Variants in IL17B observed in about 807,000 individuals in gnomAD.
The protein encoded by IL17B is interleukin-17B.
In IL17B, 14 loss-of-function variants were observed where a neutral mutation model predicts 14.7. The ratio of observed to expected loss-of-function variants is 0.95; its 90% CI spans 0.63 to 1.49. The LOEUF is 1.49. IL17B is among the 40% of genes most tolerant of loss of function. IL17B has a pLI of 0.00. For synonymous variants in IL17B, 105 were observed against 94.8 expected (o/e 1.11, Z -0.62); for missense variants, 233 against 252.8 (o/e 0.92, Z 0.53).
At chr5:149,403,275 G>A (rs757711458) in intron 1 of IL17B, among the ~76,000 whole-genome samples, 4 of 151,842 alleles carry the variant, frequency 2.6e-5, no homozygotes, top group Admixed American at 1.3e-4. Flanking sequence ...TTATAGAGAC[G>A]GGGTTTCACC....
upstream of IL17B, among the ~76,000 whole-genome samples, chr5:149,384,291 C>T (rs1456457108): frequency 6.6e-5 from 10 of 152,212 alleles, no homozygotes; most frequent in Admixed American, 6.5e-4. Flanking sequence ...CCCCTCACTT[C>T]AGTGGGCCTC....
In IL17B at chr5:149,379,242, G is replaced by T. The variant is rs750251759; in HGVS notation, c.-17C>A. On this transcript the variant is annotated 5_prime_UTR_variant, in exon 1 of 3. Transcript: ENST00000261796. The stretch of plus-strand genomic sequence containing the variant: ...CCAGTCCATTCCGCCAAGCTGCAAG[G>T]TCAGCCTGCAGCTGCTGCCCGCCTG... 6.2e-7 allele frequency: 1 copy of T among 1,613,842 alleles called. No individual in the cohort carries two copies. Among genetic ancestry groups the T allele is most frequent in the Non-Finnish European group, 8.5e-7 (1 of 1,179,898 alleles).
chr5:149,392,187 C>A (rs1480727946), intron 1 of IL17B, among the ~76,000 whole-genome samples: 1 of 152,212 alleles, frequency 6.6e-6, no homozygotes, highest in South Asian at 2.1e-4. Context: ...AGAGGCAGCC[C>A]CATGTGGAAA....
chr5:149,376,215 C>T (rs915723302), intron 2 of IL17B, among the ~76,000 whole-genome samples: 3 of 152,192 alleles, frequency 2.0e-5, no homozygotes, highest in African/African-American at 7.2e-5. Context: ...ATTCCCAAAT[C>T]GCAGCCTGCT....
intron 1 of IL17B, among the ~76,000 whole-genome samples, chr5:149,401,241 T>C (rs1759200069): frequency 6.6e-6 from 1 of 152,168 alleles, no homozygotes; most frequent in African/African-American, 2.4e-5. Flanking sequence ...CTGTAGTAAA[T>C]CCCTTTCTGC....
chr5:149,403,335 C>T (rs1022070688), intron 1 of IL17B, among the ~76,000 whole-genome samples: 18 of 152,102 alleles, frequency 1.2e-4, no homozygotes, highest in African/African-American at 4.3e-4. Context: ...ATCCTCCTGC[C>T]TCAGCCTCCC....
intron 2 of IL17B, 103 bp downstream of exon 2, chr5:149,376,633 A>C: frequency 6.9e-7 from 1 of 1,457,536 alleles, no homozygotes; most frequent in Middle Eastern, 2.1e-4. Flanking sequence ...TTCGAACCCA[A>C]GCACCCAGAC....
In IL17B at chr5:149,374,456, G is replaced by T; in HGVS notation, c.456C>A (p.Arg152=). Residue 152 remains arginine (R), a synonymous_variant, in exon 3 of 3, where the codon CGC becomes CGA. Coordinates refer to ENST00000261796, the MANE Select transcript of IL17B (RefSeq NM_014443.3). The surrounding 1 kb of genome is among the most constrained non-coding windows in gnomAD (Gnocchi z 5.0). ...CTGTGCGGGGCGGTGGCGGGCAGAG[G>T]CGGCGGCGCACAGGAACCTGGCTGA... ...PVFSQVPVRR[R]LCPPPPRTGP... is the part of the protein sequence containing the mutation. 1.2e-6 allele frequency: 2 copies of T among 1,611,514 alleles called. No homozygotes were observed. The highest frequency in any genetic ancestry group is 1.7e-6 in the Non-Finnish European group (2 of 1,179,746).
At chr5:149,385,185 G>A (rs1388683784) in intron 1 of IL17B, among the ~76,000 whole-genome samples, 1 of 151,586 alleles carries the variant, frequency 6.6e-6, no homozygotes, top group Non-Finnish European at 1.5e-5. Flanking sequence ...GAGAAACTCC[G>A]TCTCTACTAA....
chr5:149,392,412 C>T (rs6864982), intron 1 of IL17B, among the ~76,000 whole-genome samples: 46,858 of 152,064 alleles, frequency 0.31, 7,321 homozygotes, highest in African/African-American at 0.33. Context: ...TGAGGCAGCC[C>T]GCTGTAGAAT....
chr5:149,393,054 T>C (rs922338055), intron 1 of IL17B, among the ~76,000 whole-genome samples: 3 of 151,956 alleles, frequency 2.0e-5, no homozygotes, highest in African/African-American at 7.3e-5. Flanking sequence ...TGTGTGCGCA[T>C]GTGTGTCTGC....
At chr5:149,400,567 G>A (rs554063490) in intron 1 of IL17B, among the ~76,000 whole-genome samples, 128 of 152,352 alleles carry the variant, frequency 8.4e-4, no homozygotes, top group Non-Finnish European at 1.6e-3. Flanking sequence ...AGCTGCAGCA[G>A]TGTATTCTTC....
chr5:149,400,399 G>A (rs1451226136), intron 1 of IL17B, among the ~76,000 whole-genome samples: 2 of 152,098 alleles, frequency 1.3e-5, no homozygotes, highest in African/African-American at 2.4e-5. Flanking sequence ...CACTTATCTC[G>A]GACTTCTAGC....
chr5:149,382,078 C>G (rs1758713084), upstream of IL17B, among the ~76,000 whole-genome samples: 1 of 152,232 alleles, frequency 6.6e-6, no homozygotes, highest in African/African-American at 2.4e-5. Flanking sequence ...CACTAGAAAG[C>G]CAGCCAACCC....
intron 2 of IL17B, chr5:149,375,112 A>G (rs1389080794): frequency 6.5e-6 from 1 of 153,246 alleles, no homozygotes; most frequent in Admixed American, 6.5e-5. Flanking sequence ...GATTATTTTT[A>G]TTGATGCCTA....
intron 1 of IL17B, among the ~76,000 whole-genome samples, chr5:149,402,619 C>T (rs1759228372): frequency 6.6e-6 from 1 of 150,544 alleles, no homozygotes; most frequent in South Asian, 2.1e-4. Flanking sequence ...CCTCTCCTGA[C>T]ACACACATAC....
chr5:149,379,042 G>T (rs1758617573), intron 1 of IL17B, among the ~76,000 whole-genome samples, 163 bp downstream of exon 1: 1 of 152,256 alleles, frequency 6.6e-6, no homozygotes, highest in Non-Finnish European at 1.5e-5. Context: ...CATGGCTACA[G>T]TGACCAGTCT....
At chr5:149,379,299 A>G, upstream of IL17B, 1 of 1,584,262 alleles carries the variant, frequency 6.3e-7, no homozygotes, top group Non-Finnish European at 8.7e-7. Context: ...GAATGGCAGC[A>G]ACAGGATGGA....
At chr5:149,386,032 C>G (rs1190999185) in intron 1 of IL17B, among the ~76,000 whole-genome samples, 1 of 152,192 alleles carries the variant, frequency 6.6e-6, no homozygotes, top group Admixed American at 6.5e-5. Flanking sequence ...GTTCAAAGGC[C>G]TGCACCCCGA....
Sources: allele counts gnomAD v4.1 joint callset (sites outside exome capture counted in the v4.1 genomes callset), GRCh38; gene constraint gnomAD v4.1.1; non-coding constraint Gnocchi (gnomAD v3.1); transcripts MANE v1.5; gene names NCBI Gene and HGNC (gene_info 2026-07-23, HGNC 2026-07-21).